Variants in TTC27 observed in about 807,000 individuals in gnomAD.
The protein encoded by TTC27 is tetratricopeptide repeat protein 27.
Under a neutral mutation model 115.9 loss-of-function variants are expected in TTC27, and 79 were observed. That is an observed-to-expected ratio of 0.68 (90% CI 0.57 to 0.82). The LOEUF is 0.82. TTC27 is among the 40% of genes least tolerant of loss of function. TTC27 has a pLI of 0.00. For missense variants in TTC27, 1,054 were observed against 993.1 expected (o/e 1.06, Z -0.82); for synonymous variants, 401 against 356.0 (o/e 1.13, Z -1.42).
intron 3 of TTC27, among the ~76,000 whole-genome samples, chr2:32,638,203 A>T (rs1664499378): frequency 6.6e-6 from 1 of 152,176 alleles, no homozygotes; most frequent in South Asian, 2.1e-4. Flanking sequence ...TATTTCATTA[A>T]TTATTGAAGT....
rs2063524627 is a variant in TTC27, at chr2:32,628,241, TC to T, written c.-49del. 7 of 1,544,852 alleles carry T rather than the reference TC, an allele frequency of 4.5e-6. No individual in the cohort carries two copies. The South Asian group carries it at 4.7e-5, about 10-fold the overall frequency. Reference sequence around the variant, plus strand: ...CCTGTTTTCACTTTCTTTTGTTGACTCCCGTGTGGCCCTCGTGGGAGCCTGT... The same window carrying T: ...CCTGTTTTCACTTTCTTTTGTTGACTCCGTGTGGCCCTCGTGGGAGCCTGT... On this transcript the variant is annotated 5_prime_UTR_variant, in exon 1 of 20. Coordinates refer to ENST00000317907, the MANE Select transcript of TTC27 (RefSeq NM_017735.5).
At chr2:32,680,170 A>G (rs1666368766) in intron 9 of TTC27, among the ~76,000 whole-genome samples, 1 of 152,144 alleles carries the variant, frequency 6.6e-6, no homozygotes, top group Non-Finnish European at 1.5e-5. Context: ...TTTGGTGTGT[A>G]TCATCATATT....
intron 16 of TTC27, 113 bp from the exon 17 acceptor site, chr2:32,810,911 A>C: frequency 8.4e-7 from 1 of 1,197,122 alleles, no homozygotes; most frequent in Non-Finnish European, 1.2e-6. Context: ...TACTCTTAAC[A>C]AGTTTCATAA....
chr2:32,701,440 G>A (rs969674501), intron 9 of TTC27, among the ~76,000 whole-genome samples: 4 of 152,160 alleles, frequency 2.6e-5, no homozygotes, highest in Admixed American at 6.5e-5. Context: ...GGTGTTCTGG[G>A]ACTTAGGATA....
chr2:32,642,499 T>C (rs1664690236), intron 4 of TTC27, among the ~76,000 whole-genome samples: 1 of 152,000 alleles, frequency 6.6e-6, no homozygotes, highest in Non-Finnish European at 1.5e-5. Flanking sequence ...GTAACCTGCC[T>C]GCCTTGGCCT....
At chr2:32,701,555 A>T (rs765603851) in intron 9 of TTC27, among the ~76,000 whole-genome samples, 1 of 152,114 alleles carries the variant, frequency 6.6e-6, no homozygotes, top group African/African-American at 2.4e-5. Context: ...GGGTTGGTCT[A>T]TATTAGAGTT....
intron 13 of TTC27, among the ~76,000 whole-genome samples, chr2:32,767,361 A>G (rs1476724933): frequency 1.3e-5 from 2 of 151,960 alleles, no homozygotes; most frequent in African/African-American, 4.8e-5. Flanking sequence ...AGCATATTTG[A>G]TATATTTTGT....
In TTC27 at chr2:32,634,280, A is replaced by G. The variant is rs139258317; in HGVS notation, c.396+275A>G. Among the ~76,000 whole-genome samples, 1,188 of 152,084 alleles carry G rather than the reference A, an allele frequency of 7.8e-3. 8 individuals are homozygous for G. The highest frequency in any genetic ancestry group is 0.024 in the Middle Eastern group (7 of 294). ...CTGCACCAGTTGTTTAGTTGGTTGT[A>G]TCACCTCAGTTACATAAAGATTTTT... On this transcript the variant is annotated intron_variant, in intron 3 of 19. Coordinates refer to ENST00000317907, the MANE Select transcript of TTC27 (RefSeq NM_017735.5).
At position 32,820,401 on chromosome 2, in the gene TTC27, G is replaced by A. The variant is rs377515303; in HGVS notation, c.2410-415G>A. On this transcript the variant is annotated intron_variant, in intron 19 of 19. Transcript: ENST00000317907. ...TCTTTGTGGTCTCTGAGGCCTAAGC[G>A]AAATTAATTTTCAAGTAAGTAGCAT... Among the ~76,000 whole-genome samples, 13 of 152,254 alleles carry A rather than the reference G, an allele frequency of 8.5e-5. No individual in the cohort carries two copies. The East Asian group carries it at 1.4e-3, about 16-fold the overall frequency.
chr2:32,785,532 C>A (rs910127463), intron 15 of TTC27, among the ~76,000 whole-genome samples: 2 of 152,098 alleles, frequency 1.3e-5, no homozygotes, highest in Non-Finnish European at 2.9e-5. Context: ...CTATTATCTT[C>A]CAATGCATCA....
intron 16 of TTC27, among the ~76,000 whole-genome samples, chr2:32,800,599 G>A (rs1670890253): frequency 6.6e-6 from 1 of 152,126 alleles, no homozygotes. Context: ...CTGGGTTCAA[G>A]CAATTCTCCT....
intron 9 of TTC27, among the ~76,000 whole-genome samples, chr2:32,685,295 G>C (rs1666592842): frequency 6.6e-6 from 1 of 152,088 alleles, no homozygotes; most frequent in Non-Finnish European, 1.5e-5. Context: ...CTCCCGAAGT[G>C]CTGGGATTGC....
intron 16 of TTC27, among the ~76,000 whole-genome samples, chr2:32,798,691 C>T (rs1460604669): frequency 3.0e-5 from 4 of 132,596 alleles, no homozygotes; most frequent in East Asian, 2.1e-4. Context: ...GGCAACAGAG[C>T]GAGACTCCAG....
intron 16 of TTC27, among the ~76,000 whole-genome samples, chr2:32,802,002 A>G (rs1670960891): frequency 6.6e-6 from 1 of 152,214 alleles, no homozygotes; most frequent in Admixed American, 6.5e-5. Flanking sequence ...AGTCTTCAGC[A>G]GATTATGACA....
intron 12 of TTC27, among the ~76,000 whole-genome samples, chr2:32,738,948 G>A (rs1290263496): frequency 6.6e-6 from 1 of 152,102 alleles, no homozygotes; most frequent in African/African-American, 2.4e-5. Flanking sequence ...AAATTTTTCT[G>A]AATAGACTGA....
rs187610739 is a variant in TTC27 at position 32,665,134 on chromosome 2, A to G, written c.805+667A>G. ...AGTGCTGGGACTACAGGTGTGAGCC[A>G]CCACGCCCAGCCCACATTCTGTGCT... On this transcript the variant is annotated intron_variant, in intron 6 of 19. Coordinates refer to ENST00000317907, the MANE Select transcript of TTC27 (RefSeq NM_017735.5). 3.1e-3 allele frequency among the ~76,000 whole-genome samples: 468 copies of G among 152,202 alleles called. 2 individuals carry two copies. Among genetic ancestry groups the G allele is most frequent in the Admixed American group, 6.5e-3 (99 of 15,260 alleles).
rs555666125 is a variant in TTC27, at chr2:32,796,620, T to C, written c.1998+9471T>C. Among the ~76,000 whole-genome samples the C allele has an allele frequency of 2.6e-5, 4 of 152,326 alleles. No individual in the cohort carries two copies. In the East Asian group the frequency reaches 5.8e-4, roughly 22 times the overall value. ...TGAAGAAATAGGAAATCTGAATGGA[T>C]TGGTTTTTCTCAGAAATAGAAAAAC... On this transcript the variant is annotated intron_variant, in intron 16 of 19. Transcript: ENST00000317907.
chr2:32,648,547 G>A (rs1664957920), intron 4 of TTC27, among the ~76,000 whole-genome samples: 2 of 151,064 alleles, frequency 1.3e-5, no homozygotes, highest in Admixed American at 6.6e-5. Context: ...GAGTAGCTGG[G>A]ATTATAGGTG....
chr2:32,793,528 G>T (rs1418578603), intron 16 of TTC27, among the ~76,000 whole-genome samples: 1 of 152,086 alleles, frequency 6.6e-6, no homozygotes, highest in Non-Finnish European at 1.5e-5. Flanking sequence ...AATGTTTGTT[G>T]TTGTTGTTGT....
Sources: gnomAD v4.1 joint callset for allele counts (sites outside exome capture counted in the v4.1 genomes callset) on GRCh38, gnomAD v4.1.1 for gene constraint, MANE v1.5 for transcripts, NCBI Gene and HGNC (gene_info 2026-07-23, HGNC 2026-07-21) for gene names.